Variants in GRID2 observed in about 807,000 individuals in gnomAD.
GRID2 encodes the protein glutamate ionotropic receptor delta type subunit 2.
GRID2 carries 33 observed loss-of-function variants against 114.8 expected under a neutral mutation model. That is an observed-to-expected ratio of 0.29 (90% CI 0.22 to 0.38). The LOEUF (loss-of-function observed/expected upper bound fraction) is 0.38, where lower values mean the gene tolerates loss of function less well. Among genes scored for constraint, GRID2 ranks in the 10% least tolerant of loss-of-function variants. The probability of loss-of-function intolerance (pLI) is 1.00; values close to 1 mark genes in which losing one functional copy is unlikely to be tolerated. For synonymous variants in GRID2, 505 were observed against 449.9 expected, an observed-to-expected ratio of 1.12 and a Z score of -1.55; for missense variants, 1,184 against 1,257.7, an observed-to-expected ratio of 0.94 and a Z score of 0.89.
At chr4:92,387,665 T>G (rs1730031516) in intron 1 of GRID2, among the ~76,000 whole-genome samples, 2 of 151,960 alleles carry the variant, frequency 1.3e-5, no homozygotes, top group African/African-American at 2.4e-5. Flanking sequence ...TCTGGAAAGC[T>G]CCCTCTGGTG....
chr4:92,827,684 A>G (rs1437482320), intron 2 of GRID2, among the ~76,000 whole-genome samples: 4 of 152,068 alleles, frequency 2.6e-5, no homozygotes, highest in Non-Finnish European at 5.9e-5. Flanking sequence ...GATGCCCTTA[A>G]GAGGGTACAA....
At chr4:92,906,023 AT>A (rs1747925939) in intron 2 of GRID2, among the ~76,000 whole-genome samples, 1 of 152,160 alleles carries the variant, frequency 6.6e-6, no homozygotes, top group African/African-American at 2.4e-5. Context: ...GTGAATAAAA[AT>A]ATTGGAGAGT....
intron 4 of GRID2, among the ~76,000 whole-genome samples, chr4:93,126,579 T>C (rs1734279627): frequency 7.0e-6 from 1 of 142,476 alleles, no homozygotes; most frequent in Non-Finnish European, 1.5e-5. Context: ...GATAACTATT[T>C]AATTCTTTTT....
chr4:92,631,228 A>C (rs956416508), intron 2 of GRID2, among the ~76,000 whole-genome samples: 1 of 152,084 alleles, frequency 6.6e-6, no homozygotes, highest in African/African-American at 2.4e-5. Context: ...TGTCCATACA[A>C]CACCAGAAGG....
intron 7 of GRID2, among the ~76,000 whole-genome samples, chr4:93,235,393 A>T (rs1170168445): frequency 2.0e-5 from 3 of 152,270 alleles, no homozygotes; most frequent in South Asian, 2.1e-4. Flanking sequence ...AGAGATAAAA[A>T]ATACCACCAT....
At chr4:92,382,258 T>C (rs1237475629) in intron 1 of GRID2, among the ~76,000 whole-genome samples, 2 of 151,956 alleles carry the variant, frequency 1.3e-5, no homozygotes, top group Non-Finnish European at 2.9e-5. Context: ...AAAATATAGA[T>C]ATAGCTATAT....
At chr4:92,333,475 C>T (rs1726999076) in intron 1 of GRID2, among the ~76,000 whole-genome samples, 1 of 152,120 alleles carries the variant, frequency 6.6e-6, no homozygotes, top group Admixed American at 6.5e-5. Context: ...ACCTGACTGC[C>T]TTCTATTTGT....
chr4:92,423,005 T>A (rs1467544720), intron 1 of GRID2, among the ~76,000 whole-genome samples: 1 of 152,142 alleles, frequency 6.6e-6, no homozygotes, highest in African/African-American at 2.4e-5. Context: ...AAAGGCAGTT[T>A]CAATCCCTCC....
chr4:92,422,980 C>T (rs1434320614), intron 1 of GRID2, among the ~76,000 whole-genome samples: 1 of 152,106 alleles, frequency 6.6e-6, no homozygotes, highest in African/African-American at 2.4e-5. Flanking sequence ...TTTACTGTCT[C>T]AGTCATAATT....
intron 10 of GRID2, among the ~76,000 whole-genome samples, chr4:93,431,941 G>A (rs1452912933): frequency 6.6e-6 from 1 of 152,102 alleles, no homozygotes; most frequent in African/African-American, 2.4e-5. Context: ...AATATAATGA[G>A]AATGTGTATG....
At chr4:93,388,970 A>G (rs1378588213) in intron 8 of GRID2, among the ~76,000 whole-genome samples, 1 of 152,168 alleles carries the variant, frequency 6.6e-6, no homozygotes, top group African/African-American at 2.4e-5. Flanking sequence ...GTGAAGTGAT[A>G]GTGAAATATA....
chr4:93,632,374 A>G (rs1721000340), intron 14 of GRID2, among the ~76,000 whole-genome samples: 1 of 152,194 alleles, frequency 6.6e-6, no homozygotes, highest in Non-Finnish European at 1.5e-5. Context: ...TCTTTGATCC[A>G]TCTTGAATGA....
chr4:92,717,880 T>C (rs894270199), intron 2 of GRID2, among the ~76,000 whole-genome samples: 20 of 152,180 alleles, frequency 1.3e-4, no homozygotes, highest in Non-Finnish European at 1.0e-4. Flanking sequence ...AATATCCCAA[T>C]GTTTCTATGT....
chr4:92,790,500 G>C (rs2149364018), intron 2 of GRID2, among the ~76,000 whole-genome samples: 2 of 151,806 alleles, frequency 1.3e-5, no homozygotes, highest in East Asian at 3.9e-4. Flanking sequence ...ACTGCAGGCT[G>C]AATTTCCTGG....
chr4:92,344,194 A>G (rs1194814754), intron 1 of GRID2, among the ~76,000 whole-genome samples: 2 of 152,192 alleles, frequency 1.3e-5, no homozygotes, highest in Non-Finnish European at 2.9e-5. Flanking sequence ...GACTGAGCTG[A>G]TCTGAGACTA....
chr4:92,323,028 G>A (rs997800510), intron 1 of GRID2, among the ~76,000 whole-genome samples: 33 of 151,866 alleles, frequency 2.2e-4, no homozygotes, highest in Admixed American at 3.9e-4. Context: ...GAACTGATTG[G>A]ACATTGGCAA....
At chr4:92,989,342 A>C (rs1264694445) in intron 2 of GRID2, among the ~76,000 whole-genome samples, 5 of 151,062 alleles carry the variant, frequency 3.3e-5, no homozygotes, top group Admixed American at 6.6e-5. Flanking sequence ...ATGTGTGTGC[A>C]TGTTTATGTG....
chr4:92,660,520 C>G (rs1325716752), intron 2 of GRID2, among the ~76,000 whole-genome samples: 1 of 151,128 alleles, frequency 6.6e-6, no homozygotes, highest in African/African-American at 2.4e-5. Context: ...CCTTACCAAG[C>G]GATTAGCAAA....
intron 14 of GRID2, among the ~76,000 whole-genome samples, chr4:93,711,290 G>A (rs1728456560): frequency 3.9e-5 from 6 of 152,150 alleles, no homozygotes; most frequent in Admixed American, 3.9e-4. Context: ...GTCAGCAAGT[G>A]ATGAATCCTT....
Sources: allele counts gnomAD v4.1 joint callset (sites outside exome capture counted in the v4.1 genomes callset), GRCh38; gene constraint gnomAD v4.1.1; transcripts MANE v1.5; gene names NCBI Gene and HGNC (gene_info 2026-07-23, HGNC 2026-07-21).